Variants in KHDRBS2 observed in about 807,000 individuals in gnomAD.
KHDRBS2 encodes the protein KH RNA binding domain containing, signal transduction associated 2.
Under a neutral mutation model 44.3 loss-of-function variants are expected in KHDRBS2, and 26 were observed. That is an observed-to-expected ratio of 0.59 (90% CI 0.43 to 0.81). The LOEUF is 0.81. KHDRBS2 is among the 40% of genes least tolerant of loss of function. The pLI is 0.00. For missense variants in KHDRBS2, 476 were observed against 433.1 expected, an observed-to-expected ratio of 1.10 and a Z score of -0.88; for synonymous variants, 194 against 151.1, an observed-to-expected ratio of 1.28 and a Z score of -2.08.
At chr6:61,952,788 C>T (rs956842312) in intron 4 of KHDRBS2, among the ~76,000 whole-genome samples, 1 of 151,948 alleles carries the variant, frequency 6.6e-6, no homozygotes, top group African/African-American at 2.4e-5. Context: ...CTTGCAACTG[C>T]CATTAATAAA....
chr6:61,722,862 A>G lies in KHDRBS2; in HGVS notation c.893+9820T>C, dbSNP rs572947092. On this transcript the variant is annotated intron_variant, in intron 7 of 8. Coordinates refer to ENST00000281156, the MANE Select transcript of KHDRBS2 (RefSeq NM_152688.4). ...GTAGCTGGGACTACAAGCGCCCACC[A>G]CCATGCCTGGCTAATTTTTTGTACT... Among the ~76,000 whole-genome samples, 713 of 151,892 alleles carry G rather than the reference A, an allele frequency of 4.7e-3. 2 individuals carry two copies. Among genetic ancestry groups the G allele is most frequent in the Non-Finnish European group, 8.0e-3 (542 of 67,974 alleles).
chr6:62,096,653 T>G (rs1295694640), intron 2 of KHDRBS2, among the ~76,000 whole-genome samples: 1 of 151,852 alleles, frequency 6.6e-6, no homozygotes, highest in Non-Finnish European at 1.5e-5. Flanking sequence ...GTTTATCTTT[T>G]CAAAAAACCG....
intron 2 of KHDRBS2, among the ~76,000 whole-genome samples, chr6:62,124,888 G>A (rs1006465986): frequency 4.6e-5 from 7 of 151,820 alleles, no homozygotes; most frequent in African/African-American, 7.3e-5. Context: ...TCCTTGAATC[G>A]TTGCCAACAT....
At chr6:62,104,500 T>C (rs1802683585) in intron 2 of KHDRBS2, among the ~76,000 whole-genome samples, 1 of 152,218 alleles carries the variant, frequency 6.6e-6, no homozygotes, top group South Asian at 2.1e-4. Context: ...AAAAAAATCT[T>C]GATTATTCCC....
chr6:61,579,034 C>T, the KHDRBS2 span, among the ~76,000 whole-genome samples: 2 of 152,084 alleles, frequency 1.3e-5, no homozygotes, highest in African/African-American at 4.8e-5. Context: ...TTAGCCCCTG[C>T]AGCAGAAAGA....
chr6:61,558,437 C>T, the KHDRBS2 span, among the ~76,000 whole-genome samples: 1 of 152,044 alleles, frequency 6.6e-6, no homozygotes, highest in Admixed American at 6.6e-5. Flanking sequence ...TGGTGCATGC[C>T]TATCGTTCCA....
chr6:62,026,877 A>T (rs1039238073), intron 3 of KHDRBS2, among the ~76,000 whole-genome samples: 24 of 151,962 alleles, frequency 1.6e-4, no homozygotes, highest in African/African-American at 5.1e-4. Context: ...TTTCAGCCTA[A>T]TTTTTTTTAT....
chr6:62,150,293 G>T (rs1814859335), intron 2 of KHDRBS2, among the ~76,000 whole-genome samples: 1 of 124,444 alleles, frequency 8.0e-6, no homozygotes. Context: ...TCATGCTTAA[G>T]AGATTGTGGA....
intron 6 of KHDRBS2, among the ~76,000 whole-genome samples, chr6:61,827,696 G>T (rs1423111050): frequency 6.6e-6 from 1 of 152,038 alleles, no homozygotes; most frequent in Non-Finnish European, 1.5e-5. Flanking sequence ...GTACCAGTGT[G>T]GTCCGACTCT....
the KHDRBS2 span, among the ~76,000 whole-genome samples, chr6:61,614,858 T>C: frequency 6.6e-6 from 1 of 152,256 alleles, no homozygotes; most frequent in East Asian, 1.9e-4. Flanking sequence ...CAAGTGAACC[T>C]CAAGGAACTG....
intron 4 of KHDRBS2, among the ~76,000 whole-genome samples, chr6:61,905,841 G>T (rs988642742): frequency 1.4e-5 from 2 of 144,742 alleles, no homozygotes; most frequent in African/African-American, 5.1e-5. Flanking sequence ...AAAAAATATG[G>T]AACAAAACTT....
At chr6:61,570,644 G>A in the KHDRBS2 span, among the ~76,000 whole-genome samples, 1 of 152,088 alleles carries the variant, frequency 6.6e-6, no homozygotes, top group Non-Finnish European at 1.5e-5. Context: ...TCAAGATGAA[G>A]GAAATAATTT....
intron 4 of KHDRBS2, among the ~76,000 whole-genome samples, chr6:61,903,501 TGAA>T (rs1804430657): frequency 6.6e-6 from 1 of 152,150 alleles, no homozygotes; most frequent in Non-Finnish European, 1.5e-5. Flanking sequence ...AATAATAAGA[TGAA>T]GAAGAAGAAT....
intron 6 of KHDRBS2, among the ~76,000 whole-genome samples, chr6:61,757,500 C>G (rs532282823): frequency 8.6e-4 from 131 of 152,136 alleles, no homozygotes; most frequent in African/African-American, 2.9e-3. Flanking sequence ...AGGCTGCATA[C>G]AGTTTGGCCT....
At chr6:62,272,333 G>T (rs114338368) in intron 1 of KHDRBS2, among the ~76,000 whole-genome samples, 16 of 152,276 alleles carry the variant, frequency 1.1e-4, no homozygotes, top group African/African-American at 3.1e-4. Flanking sequence ...AGTAACAAAT[G>T]ACTGTATTTG....
intron 2 of KHDRBS2, among the ~76,000 whole-genome samples, chr6:62,086,069 C>T (rs1162430293): frequency 6.6e-6 from 1 of 152,106 alleles, no homozygotes; most frequent in Admixed American, 6.6e-5. Context: ...CGTACATCAA[C>T]AATTCAACTG....
At chr6:61,592,134 C>T in the KHDRBS2 span, among the ~76,000 whole-genome samples, 11 of 140,102 alleles carry the variant, frequency 7.9e-5, no homozygotes, top group South Asian at 2.3e-4. Context: ...GAGGCTGCAG[C>T]GAGGCATGAT....
intron 6 of KHDRBS2, among the ~76,000 whole-genome samples, chr6:61,833,587 G>C (rs1792172433): frequency 6.6e-6 from 1 of 152,074 alleles, no homozygotes; most frequent in African/African-American, 2.4e-5. Context: ...ATTCCTTCCA[G>C]ATACAAATTA....
At chr6:61,846,077 T>C (rs1794364314) in intron 6 of KHDRBS2, among the ~76,000 whole-genome samples, 1 of 152,192 alleles carries the variant, frequency 6.6e-6, no homozygotes, top group Non-Finnish European at 1.5e-5. Flanking sequence ...CTGCTCCCAT[T>C]TGGCCTTCCG....
Sources: gnomAD v4.1 joint callset for allele counts (sites outside exome capture counted in the v4.1 genomes callset) on GRCh38, gnomAD v4.1.1 for gene constraint, MANE v1.5 for transcripts, NCBI Gene and HGNC (gene_info 2026-07-23, HGNC 2026-07-21) for gene names.